The following ELMO1 variants were observed in gnomAD, a reference collection of about 807,000 sequenced individuals.
ELMO1 encodes the protein engulfment and cell motility 1.
In ELMO1, 26 loss-of-function variants were observed where a neutral mutation model predicts 98.9. That is an observed-to-expected ratio of 0.26 (90% CI 0.19 to 0.36). The LOEUF (loss-of-function observed/expected upper bound fraction) is 0.36. ELMO1 is among the 10% of genes least tolerant of loss of function. ELMO1 has a pLI of 1.00. For missense variants in ELMO1, 627 were observed against 935.2 expected (o/e 0.67, Z 4.30); for synonymous variants, 346 against 346.0 (o/e 1.00, Z 0.00).
chr7:36,862,840 T>C (rs1023169934), intron 20 of ELMO1, among the ~76,000 whole-genome samples: 1 of 152,210 alleles, frequency 6.6e-6, no homozygotes, highest in African/African-American at 2.4e-5. Flanking sequence ...GGAGCCAATC[T>C]CTTCACATCA....
At chr7:37,164,697 ATC>A (rs1377021522) in intron 13 of ELMO1, among the ~76,000 whole-genome samples, 1 of 149,886 alleles carries the variant, frequency 6.7e-6, no homozygotes, top group African/African-American at 2.4e-5. Flanking sequence ...ATTGATCTAT[ATC>A]TCTGTTTTGG....
At chr7:36,901,486 A>G (rs558621707) in intron 16 of ELMO1, among the ~76,000 whole-genome samples, 10 of 152,348 alleles carry the variant, frequency 6.6e-5, no homozygotes, top group African/African-American at 2.4e-4. Context: ...ATATAAGTGA[A>G]TGGGCATGGC....
intron 1 of ELMO1, among the ~76,000 whole-genome samples, chr7:37,366,389 A>G (rs1801903944): frequency 6.6e-6 from 1 of 152,210 alleles, no homozygotes; most frequent in East Asian, 1.9e-4. Flanking sequence ...TCACTTCATC[A>G]CACGTAGGGT....
At position 36,857,900 on chromosome 7, in the gene ELMO1, G is replaced by C. The variant is rs73689651; in HGVS notation, c.1984-2149C>G. 4.4e-3 allele frequency among the ~76,000 whole-genome samples: 672 copies of C among 152,228 alleles called. 18 individuals are homozygous for C. The East Asian group carries it at 0.077, about 18-fold the overall frequency. The stretch of plus-strand genomic sequence containing the variant: ...AAACCTGGAACACTCCATCATACCA[G>C]AATGCCAGAAAGTTATCAAAGACGT... On this transcript the variant is annotated intron_variant, in intron 21 of 21. Coordinates refer to ENST00000310758, the MANE Select transcript of ELMO1 (RefSeq NM_014800.11).
At chr7:37,191,951 C>A (rs539522933) in intron 13 of ELMO1, among the ~76,000 whole-genome samples, 21 of 152,070 alleles carry the variant, frequency 1.4e-4, no homozygotes, top group Non-Finnish European at 2.2e-4. Flanking sequence ...GGCTTCTGCA[C>A]GTGATGTTTA....
chr7:37,392,865 T>G (rs1289441271), intron 1 of ELMO1, among the ~76,000 whole-genome samples: 1 of 152,170 alleles, frequency 6.6e-6, no homozygotes, highest in Non-Finnish European at 1.5e-5. Flanking sequence ...ACCTGCTAAT[T>G]GCATCTGCCC....
chr7:36,951,122 G>T (rs1387775035), intron 16 of ELMO1, among the ~76,000 whole-genome samples: 2 of 152,124 alleles, frequency 1.3e-5, no homozygotes, highest in African/African-American at 4.8e-5. Context: ...TCCATTTACT[G>T]CTTGGACCTG....
intron 1 of ELMO1, among the ~76,000 whole-genome samples, chr7:37,372,449 G>A (rs934128034): frequency 6.6e-6 from 1 of 151,964 alleles, no homozygotes; most frequent in Non-Finnish European, 1.5e-5. Flanking sequence ...ATGAGTCCCT[G>A]GTATATACTA....
At chr7:37,009,507 A>G (rs1437180661) in intron 16 of ELMO1, among the ~76,000 whole-genome samples, 1 of 152,192 alleles carries the variant, frequency 6.6e-6, no homozygotes, top group Non-Finnish European at 1.5e-5. Flanking sequence ...ATTAACTACC[A>G]AGCACTAGAT....
intron 1 of ELMO1, among the ~76,000 whole-genome samples, chr7:37,395,937 G>A (rs1293740956): frequency 6.6e-6 from 1 of 151,300 alleles, no homozygotes; most frequent in Non-Finnish European, 1.5e-5. Context: ...ATAGTTTTTT[G>A]TAGGCAGTCT....
intron 6 of ELMO1, among the ~76,000 whole-genome samples, chr7:37,244,975 T>G: frequency 6.6e-6 from 1 of 152,184 alleles, no homozygotes; most frequent in Non-Finnish European, 1.5e-5. Flanking sequence ...TACTTATGCT[T>G]TTTTAAAAAA....
rs530135753 is a variant in ELMO1, at chr7:37,112,205, G to A, written c.1192-15478C>T. 2.1e-4 allele frequency among the ~76,000 whole-genome samples: 32 copies of A among 152,168 alleles called. No individual in the cohort carries two copies. The South Asian group carries it at 5.6e-3, about 27-fold the overall frequency. ...AGTAAGGGCATAGGGCAAAAGAGAT[G>A]GTTCCTGCTCAAAAATTTCATGTTA... On this transcript the variant is annotated intron_variant, in intron 14 of 21. Transcript: ENST00000310758.
At chr7:36,947,466 T>C (rs572842634) in intron 16 of ELMO1, among the ~76,000 whole-genome samples, 1 of 152,254 alleles carries the variant, frequency 6.6e-6, no homozygotes, top group East Asian at 1.9e-4. Context: ...CCCAAACCTG[T>C]TGATCCCACA....
intron 15 of ELMO1, among the ~76,000 whole-genome samples, chr7:37,079,367 CA>C (rs1403188820): frequency 6.6e-6 from 1 of 152,188 alleles, no homozygotes; most frequent in East Asian, 1.9e-4. Flanking sequence ...TGATTAGAAA[CA>C]GACACTCTTG....
chr7:37,040,622 A>AG (rs1360466453), intron 15 of ELMO1, among the ~76,000 whole-genome samples: 1 of 152,180 alleles, frequency 6.6e-6, no homozygotes, highest in Non-Finnish European at 1.5e-5. Flanking sequence ...AACCTAAAGT[A>AG]GTATATGTTT....
chr7:37,311,274 T>A (rs908171204), intron 4 of ELMO1, among the ~76,000 whole-genome samples: 5 of 151,648 alleles, frequency 3.3e-5, no homozygotes, highest in African/African-American at 1.2e-4. Context: ...TAGAAGAGAA[T>A]CACAAGCATC....
chr7:37,147,639 T>C (rs192950358), intron 13 of ELMO1, among the ~76,000 whole-genome samples: 2 of 152,044 alleles, frequency 1.3e-5, no homozygotes, highest in African/African-American at 4.8e-5. Flanking sequence ...CCATGTTGGG[T>C]TTTATTAATA....
At chr7:37,016,865 C>T (rs759096008) in intron 15 of ELMO1, among the ~76,000 whole-genome samples, 2 of 152,194 alleles carry the variant, frequency 1.3e-5, no homozygotes, top group African/African-American at 4.8e-5. Flanking sequence ...AATTCAAGGT[C>T]GAGTTGGCTC....
intron 11 of ELMO1, among the ~76,000 whole-genome samples, chr7:37,214,053 T>C (rs1398080368): frequency 6.6e-6 from 1 of 152,162 alleles, no homozygotes; most frequent in Non-Finnish European, 1.5e-5. Context: ...AAATGAAAGA[T>C]AAAATGACTT....
Sources: gnomAD v4.1 joint callset for allele counts (sites outside exome capture counted in the v4.1 genomes callset) on GRCh38, gnomAD v4.1.1 for gene constraint, MANE v1.5 for transcripts, NCBI Gene and HGNC (gene_info 2026-07-23, HGNC 2026-07-21) for gene names.